The following C10orf143 variants were observed in gnomAD, a reference collection of about 807,000 sequenced individuals.
C10orf143 encodes chromosome 10 open reading frame 143, also known as uncharacterized protein C10orf143.
At chr10:130,041,639 T>A (rs996919273) in intron 3 of C10orf143, among the ~76,000 whole-genome samples, 3 of 152,222 alleles carry the variant, frequency 2.0e-5, no homozygotes, top group Non-Finnish European at 4.4e-5. Flanking sequence ...TATGTGTCTG[T>A]CAGGGGGATA....
At chr10:130,038,599 T>A (rs1343954430) in intron 3 of C10orf143, among the ~76,000 whole-genome samples, 1 of 152,138 alleles carries the variant, frequency 6.6e-6, no homozygotes, top group Non-Finnish European at 1.5e-5. Flanking sequence ...TCGTTTTAAA[T>A]GATGGATGTA....
At chr10:130,068,347 C>A in intron 3 of C10orf143, 1 of 152,526 alleles carries the variant, frequency 6.6e-6, no homozygotes, top group Non-Finnish European at 1.5e-5. Context: ...CACGGTGGCT[C>A]TCGCCTGTAA....
intron 3 of C10orf143, among the ~76,000 whole-genome samples, chr10:130,044,956 C>G (rs577026265): frequency 3.9e-5 from 6 of 152,294 alleles, no homozygotes; most frequent in Admixed American, 6.5e-5. Context: ...TAGGCTGGAG[C>G]TCAGGTCTAC....
At chr10:130,082,957 CCAAA>C (rs1590023350) in intron 1 of C10orf143, among the ~76,000 whole-genome samples, 1 of 151,704 alleles carries the variant, frequency 6.6e-6, no homozygotes, top group Admixed American at 6.6e-5. Context: ...TTCTGTAAGG[CCAAA>C]CAAACAAAAA....
At chr10:130,043,162 A>G in intron 3 of C10orf143, among the ~76,000 whole-genome samples, 1 of 152,228 alleles carries the variant, frequency 6.6e-6, no homozygotes, top group East Asian at 1.9e-4. Context: ...AAACACCAAC[A>G]GATGAGACAA....
chr10:130,108,612 A>G, intron 1 of C10orf143: 9 of 518,346 alleles, frequency 1.7e-5, no homozygotes, highest in South Asian at 1.7e-4. Flanking sequence ...TATGAATCTT[A>G]TAAGTAAATT....
In C10orf143 at chr10:130,039,316, G is replaced by A. The variant is rs548100604; in HGVS notation, c.298-3346C>T. Among the ~76,000 whole-genome samples the A allele has an allele frequency of 1.1e-4, 17 of 152,244 alleles. No homozygotes were observed. In the East Asian group the frequency reaches 2.1e-3, roughly 19 times the overall value. The stretch of plus-strand genomic sequence containing the variant: ...CTGCTGTCTGCAAGCCGGAGGCCGA[G>A]GACCACCGGTGGTGCTTTCCAGTCC... On this transcript the variant is annotated intron_variant and NMD_transcript_variant, in intron 3 of 5. Transcript: ENST00000643056.
chr10:130,076,563 C>T (rs990685463), intron 3 of C10orf143, among the ~76,000 whole-genome samples: 3 of 152,184 alleles, frequency 2.0e-5, no homozygotes, highest in Admixed American at 6.5e-5. Context: ...TAGGAAAACA[C>T]GGTGCTGAGG....
At chr10:130,052,466 T>G (rs931911002) in intron 3 of C10orf143, among the ~76,000 whole-genome samples, 1 of 152,126 alleles carries the variant, frequency 6.6e-6, no homozygotes, top group African/African-American at 2.4e-5. Context: ...CCGGGATAGT[T>G]ACTGCCCCCA....
chr10:130,061,515 G>A (rs1590011874), downstream of C10orf143, among the ~76,000 whole-genome samples: 1 of 152,290 alleles, frequency 6.6e-6, no homozygotes, highest in East Asian at 1.9e-4. Flanking sequence ...ATTATTAAAG[G>A]TACGTTTTGA....
chr10:130,095,183 C>T (rs553526203), intron 1 of C10orf143, among the ~76,000 whole-genome samples: 14 of 150,372 alleles, frequency 9.3e-5, no homozygotes, highest in Non-Finnish European at 1.9e-4. Context: ...TGTGAAGGAC[C>T]TCTTCACAAT....
At chr10:130,044,583 C>T (rs968675040) in intron 3 of C10orf143, among the ~76,000 whole-genome samples, 3 of 152,194 alleles carry the variant, frequency 2.0e-5, no homozygotes, top group Admixed American at 6.5e-5. Context: ...AAAGGCATCA[C>T]GCTGGGCTAC....
Position 130,110,796 on chromosome 10 carries a change from C to A in C10orf143, c.-24G>T. 2.5e-6 allele frequency: 1 copy of A among 398,946 alleles called. No individual in the cohort carries two copies. Among genetic ancestry groups the A allele is most frequent in the Middle Eastern group, 6.3e-4 (1 of 1,590 alleles). The allele number at this position is 398,946 out of a possible 1,614,324, so 24.7% of individuals were successfully genotyped here. A position where few individuals can be genotyped will look rare whatever the true frequency, so the allele number is the denominator to read the frequency against. ...ATGCAGCCCCAGGGTCAAACCCTCCCGGCATCTCAGGCCTGGCCGAGGCCC... is the reference window on the plus strand; with the variant it reads ...ATGCAGCCCCAGGGTCAAACCCTCCAGGCATCTCAGGCCTGGCCGAGGCCC... On this transcript the variant is annotated 5_prime_UTR_variant, in exon 1 of 4. Transcript: ENST00000637128.
intron 3 of C10orf143, among the ~76,000 whole-genome samples, chr10:130,036,574 A>G (rs906011459): frequency 3.3e-5 from 5 of 152,182 alleles, no homozygotes; most frequent in Non-Finnish European, 7.4e-5. Flanking sequence ...CCACCCTGAG[A>G]GAAGCGGCCC....
intron 1 of C10orf143, among the ~76,000 whole-genome samples, chr10:130,099,099 AG>A (rs148143537): frequency 0.48 from 64,351 of 134,566 alleles, 16,891 homozygotes; most frequent in Non-Finnish European, 0.61. Flanking sequence ...AAAAAAAAAA[AG>A]AAAAAAGAAA....
At chr10:130,096,244 C>T (rs1011180565) in intron 1 of C10orf143, among the ~76,000 whole-genome samples, 1 of 152,052 alleles carries the variant, frequency 6.6e-6, no homozygotes, top group Non-Finnish European at 1.5e-5. Flanking sequence ...CAATGAGATA[C>T]CATCTCACGC....
intron 3 of C10orf143, among the ~76,000 whole-genome samples, chr10:130,057,562 C>T (rs1487934462): frequency 6.6e-6 from 1 of 152,214 alleles, no homozygotes; most frequent in African/African-American, 2.4e-5. Flanking sequence ...ATAAAAATCA[C>T]GAATCCTAGC....
chr10:130,079,928 A>G (rs1187659539), intron 1 of C10orf143, 27 bp from the exon 2 acceptor site: 3 of 398,522 alleles, frequency 7.5e-6, no homozygotes, highest in African/African-American at 4.1e-5. Flanking sequence ...TTTACTTTAG[A>G]TGGTCTCATA....
downstream of C10orf143, among the ~76,000 whole-genome samples, chr10:130,062,382 C>A (rs951109119): frequency 3.3e-5 from 5 of 152,108 alleles, no homozygotes; most frequent in Non-Finnish European, 5.9e-5. Context: ...GGCGGACTCA[C>A]CCTCAATCTG....
Sources: allele counts gnomAD v4.1 joint callset (sites outside exome capture counted in the v4.1 genomes callset), GRCh38; gene constraint gnomAD v4.1.1; transcripts MANE v1.5; gene names NCBI Gene and HGNC (gene_info 2026-07-23, HGNC 2026-07-21).